Variants in DCC observed in about 807,000 individuals in gnomAD.
DCC encodes the protein netrin receptor DCC.
DCC carries 58 observed loss-of-function variants against 172.5 expected under a neutral mutation model. The observed-to-expected ratio is 0.34, with a 90% CI of 0.27 to 0.42. DCC has a LOEUF of 0.42. Among genes scored for constraint, DCC ranks in the 10% least tolerant of loss-of-function variants. DCC has a pLI of 1.00. For synonymous variants in DCC, 709 were observed against 644.5 expected (o/e 1.10, Z -1.52); for missense variants, 1,740 against 1,791.0 (o/e 0.97, Z 0.51).
chr18:53,108,992 C>G (rs2043292224), intron 7 of DCC, among the ~76,000 whole-genome samples: 1 of 150,166 alleles, frequency 6.7e-6, no homozygotes, highest in Non-Finnish European at 1.5e-5. Flanking sequence ...CATCTAGTTG[C>G]CAAAGTGGTT....
At chr18:52,851,232 T>A (rs975996499) in intron 2 of DCC, among the ~76,000 whole-genome samples, 9 of 152,132 alleles carry the variant, frequency 5.9e-5, no homozygotes, top group African/African-American at 1.9e-4. Flanking sequence ...TATTTTATCC[T>A]ATTTTTGTAT....
intron 5 of DCC, among the ~76,000 whole-genome samples, chr18:52,949,263 G>A (rs998372662): frequency 6.6e-6 from 1 of 152,126 alleles, no homozygotes; most frequent in African/African-American, 2.4e-5. Flanking sequence ...TCTCACATAA[G>A]CCTAGAAGAG....
chr18:52,789,110 C>A (rs2037713544), intron 2 of DCC, among the ~76,000 whole-genome samples: 1 of 152,090 alleles, frequency 6.6e-6, no homozygotes, highest in Non-Finnish European at 1.5e-5. Context: ...TAGTTATTCC[C>A]CACACTAAAG....
chr18:52,530,789 G>A (rs990621506), intron 1 of DCC, among the ~76,000 whole-genome samples: 5 of 152,158 alleles, frequency 3.3e-5, no homozygotes, highest in African/African-American at 1.2e-4. Context: ...GACACCCAGA[G>A]AGAGATTGTT....
At chr18:53,259,114 G>C (rs1183434015) in intron 12 of DCC, among the ~76,000 whole-genome samples, 1 of 152,102 alleles carries the variant, frequency 6.6e-6, no homozygotes, top group Non-Finnish European at 1.5e-5. Flanking sequence ...CTCTGCACAT[G>C]AGATGGGTTT....
chr18:52,934,587 GATTC>G (rs1302470461), intron 5 of DCC, among the ~76,000 whole-genome samples: 1 of 152,088 alleles, frequency 6.6e-6, no homozygotes, highest in African/African-American at 2.4e-5. Flanking sequence ...TTTCCATTGA[GATTC>G]ATGATTTTTT....
intron 13 of DCC, among the ~76,000 whole-genome samples, chr18:53,319,363 G>A (rs1048744498): frequency 5.3e-5 from 8 of 151,958 alleles, no homozygotes; most frequent in African/African-American, 1.9e-4. Context: ...ATATTCAGGA[G>A]ACCCATCTCA....
chr18:53,230,326 T>A (rs191795086), intron 12 of DCC, among the ~76,000 whole-genome samples: 1 of 152,110 alleles, frequency 6.6e-6, no homozygotes, highest in Non-Finnish European at 1.5e-5. Flanking sequence ...ATAATATCTT[T>A]GCAATGAATA....
chr18:53,182,615 G>A lies in DCC; in HGVS notation c.1573+3499G>A, dbSNP rs145232918. ...TAGAATAAATAAATTATATTATCAT[G>A]AGTGATAGGCATTGCATGTGTATTT... is the stretch of plus-strand genomic sequence containing the variant. On this transcript the variant is annotated intron_variant, in intron 9 of 28. Coordinates refer to ENST00000442544, the MANE Select transcript of DCC (RefSeq NM_005215.4). 1.4e-3 allele frequency among the ~76,000 whole-genome samples: 215 copies of A among 152,280 alleles called. 1 individual carries two copies. The highest frequency in any genetic ancestry group is 4.9e-3 in the African/African-American group (202 of 41,570).
At chr18:53,519,959 T>C (rs2046381801) in intron 27 of DCC, among the ~76,000 whole-genome samples, 1 of 152,118 alleles carries the variant, frequency 6.6e-6, no homozygotes, top group South Asian at 2.1e-4. Flanking sequence ...GGTGGCTCTC[T>C]TCTAGTGAGT....
At chr18:52,529,820 A>G (rs2032093771) in intron 1 of DCC, among the ~76,000 whole-genome samples, 1 of 152,148 alleles carries the variant, frequency 6.6e-6, no homozygotes, top group Non-Finnish European at 1.5e-5. Flanking sequence ...TCTTCTGTGG[A>G]TATGAAGATG....
intron 1 of DCC, among the ~76,000 whole-genome samples, chr18:52,636,941 A>C (rs2034792792): frequency 6.6e-6 from 1 of 152,190 alleles, no homozygotes; most frequent in Non-Finnish European, 1.5e-5. Context: ...CCTCCACCGG[A>C]ACAGGCACTG....
At chr18:53,229,708 A>T (rs1386753963) in intron 12 of DCC, among the ~76,000 whole-genome samples, 2 of 152,020 alleles carry the variant, frequency 1.3e-5, no homozygotes, top group Non-Finnish European at 2.9e-5. Context: ...GGATGCTAGG[A>T]TTGCCAGTTT....
chr18:52,753,704 GATACACTGAAGTCATGT>G (rs1277046180), intron 2 of DCC, among the ~76,000 whole-genome samples: 3 of 152,058 alleles, frequency 2.0e-5, no homozygotes, highest in Non-Finnish European at 2.9e-5. Context: ...TTTTCACCTG[GATACACTGAAGTCATGT>G]AGACTCTGAA....
chr18:52,907,917 A>G (rs1376638604), intron 3 of DCC, among the ~76,000 whole-genome samples: 1 of 152,100 alleles, frequency 6.6e-6, no homozygotes, highest in African/African-American at 2.4e-5. Flanking sequence ...TCCAACTCTT[A>G]TTTTACTTTC....
At chr18:52,946,163 A>G (rs2040541489) in intron 5 of DCC, among the ~76,000 whole-genome samples, 1 of 152,220 alleles carries the variant, frequency 6.6e-6, no homozygotes, top group South Asian at 2.1e-4. Flanking sequence ...CACTGAATCA[A>G]GTACAGATTT....
intron 3 of DCC, among the ~76,000 whole-genome samples, chr18:52,922,939 A>G (rs545563710): frequency 1.4e-4 from 21 of 152,312 alleles, no homozygotes; most frequent in South Asian, 8.3e-4. Context: ...GATTGAATCA[A>G]AAGACTTCCT....
chr18:52,735,731 T>G (rs892448976), intron 1 of DCC, among the ~76,000 whole-genome samples: 1 of 152,112 alleles, frequency 6.6e-6, no homozygotes, highest in Admixed American at 6.5e-5. Context: ...TGCTGGCAGC[T>G]GATTAGATGG....
intron 3 of DCC, among the ~76,000 whole-genome samples, chr18:52,916,475 C>G (rs754904088): frequency 6.6e-6 from 1 of 152,132 alleles, no homozygotes; most frequent in Non-Finnish European, 1.5e-5. Flanking sequence ...GTGAGAGTAG[C>G]AAATGAGACT....
Sources: gnomAD v4.1 joint callset for allele counts (sites outside exome capture counted in the v4.1 genomes callset) on GRCh38, gnomAD v4.1.1 for gene constraint, MANE v1.5 for transcripts, NCBI Gene and HGNC (gene_info 2026-07-23, HGNC 2026-07-21) for gene names.